Variants in CAPS2 observed in about 807,000 individuals in gnomAD.
CAPS2 encodes calcyphosin-2.
A neutral mutation model predicts 86.5 loss-of-function variants in CAPS2; 98 were observed. That is an observed-to-expected ratio of 1.13 (90% CI 0.96 to 1.34). CAPS2 has a LOEUF of 1.34. Ranked by LOEUF, CAPS2 falls within the 40% of genes most tolerant of loss-of-function variation. The pLI is 0.00. For missense variants in CAPS2, 729 were observed against 686.8 expected, an observed-to-expected ratio of 1.06 and a Z score of -0.69; for synonymous variants, 210 against 225.1, an observed-to-expected ratio of 0.93 and a Z score of 0.60.
chr12:75,289,539 A>C, intron 14 of CAPS2, 82 bp downstream of exon 14: 1 of 1,262,954 alleles, frequency 7.9e-7, no homozygotes, highest in Non-Finnish European at 1.1e-6. Flanking sequence ...ATAAATGAAA[A>C]CTAAAATTTC....
upstream of CAPS2, chr12:75,329,823 T>G (rs1246790032): frequency 3.9e-6 from 6 of 1,543,052 alleles, no homozygotes; most frequent in East Asian, 1.5e-4. Flanking sequence ...ATATTATAAT[T>G]CAGAGCACCT....
At chr12:75,345,376 A>C (rs1593701944) in intron 1 of CAPS2, among the ~76,000 whole-genome samples, 1 of 152,208 alleles carries the variant, frequency 6.6e-6, no homozygotes, top group East Asian at 1.9e-4. Flanking sequence ...TAGAAGTGTA[A>C]GTGTGTCTAA....
At chr12:75,331,356 T>G (rs2041287751), upstream of CAPS2, among the ~76,000 whole-genome samples, 1 of 152,188 alleles carries the variant, frequency 6.6e-6, no homozygotes, top group African/African-American at 2.4e-5. Context: ...CGTGAATATT[T>G]CCAGTATTTC....
At position 75,324,320 on chromosome 12, in the gene CAPS2, C is replaced by T. The variant is rs183095216; in HGVS notation, c.131+919G>A. Among the ~76,000 whole-genome samples the T allele has an allele frequency of 5.3e-5, 8 of 152,230 alleles. No individual in the cohort carries two copies. In the East Asian group the frequency reaches 9.6e-4, roughly 18 times the overall value. On this transcript the variant is annotated intron_variant, in intron 2 of 16. Coordinates refer to ENST00000393284, the Ensembl canonical transcript of CAPS2. The stretch of plus-strand genomic sequence containing the variant: ...AAATCTATTGGCTACATGGAATCTA[C>T]GAGAGAGAGACTATGTATTTGATTA...
chr12:75,286,326 T>C (rs2034858136), intron 14 of CAPS2, among the ~76,000 whole-genome samples: 1 of 152,038 alleles, frequency 6.6e-6, no homozygotes. Context: ...TCTGTGTAGT[T>C]AAACTGAAGA....
At chr12:75,282,614 T>C (rs1206740153) in intron 15 of CAPS2, among the ~76,000 whole-genome samples, 1 of 152,098 alleles carries the variant, frequency 6.6e-6, no homozygotes, top group African/African-American at 2.4e-5. Flanking sequence ...CTCAAATTCC[T>C]AACCTCAGGT....
intron 1 of CAPS2, chr12:75,363,188 G>C: frequency 1.4e-6 from 2 of 1,403,836 alleles, no homozygotes; most frequent in Non-Finnish European, 1.9e-6. Flanking sequence ...AAGAACCTCT[G>C]CAGTAAGCAA....
chr12:75,306,247 G>GATACTGGCCT, intron 7 of CAPS2: 1 of 640,920 alleles, frequency 1.6e-6, no homozygotes, highest in South Asian at 1.8e-5. Flanking sequence ...TGCAAATCAT[G>GATACTGGCCT]GAGTTCCTGG....
At chr12:75,350,748 C>T (rs537293389) in intron 1 of CAPS2, among the ~76,000 whole-genome samples, 39 of 152,258 alleles carry the variant, frequency 2.6e-4, no homozygotes, top group African/African-American at 8.2e-4. Flanking sequence ...AAAGAATCAA[C>T]GCAAAAATGC....
intron 1 of CAPS2, chr12:75,390,290 C>CA (rs1230528567): frequency 2.2e-6 from 1 of 455,442 alleles, no homozygotes; most frequent in Non-Finnish European, 4.4e-6. Context: ...TTGTCTGGAA[C>CA]AAAAAAAGAA....
intron 7 of CAPS2, 31 bp downstream of exon 7, chr12:75,312,817 T>G: frequency 8.1e-7 from 1 of 1,229,294 alleles, no homozygotes; most frequent in Non-Finnish European, 1.2e-6. Context: ...ACTTTCTGAA[T>G]TGATTTCTAT....
chr12:75,313,783 C>G (rs2039470245), intron 6 of CAPS2, among the ~76,000 whole-genome samples: 1 of 152,038 alleles, frequency 6.6e-6, no homozygotes, highest in Non-Finnish European at 1.5e-5. Context: ...AGAAAAAGTG[C>G]TTTATTTAAA....
chr12:75,321,196 A>G (rs2040264061), intron 5 of CAPS2, among the ~76,000 whole-genome samples: 1 of 152,140 alleles, frequency 6.6e-6, no homozygotes, highest in Non-Finnish European at 1.5e-5. Context: ...GAAAATGATG[A>G]CAATAACCCT....
At chr12:75,371,414 C>A in intron 1 of CAPS2, 1 of 298,142 alleles carries the variant, frequency 3.4e-6, no homozygotes, top group Non-Finnish European at 6.9e-6. Flanking sequence ...GGTGGGTCTG[C>A]TTTTCCCAGT....
At chr12:75,370,092 A>G in intron 1 of CAPS2, 1 of 1,600,122 alleles carries the variant, frequency 6.2e-7, no homozygotes, top group Non-Finnish European at 8.5e-7. Flanking sequence ...CAGAAAATCC[A>G]TTTCTGAAGC....
At chr12:75,362,181 T>C (rs1347014114) in intron 1 of CAPS2, among the ~76,000 whole-genome samples, 1 of 152,092 alleles carries the variant, frequency 6.6e-6, no homozygotes, top group Non-Finnish European at 1.5e-5. Flanking sequence ...CAACTCAATA[T>C]AAAGAAAACT....
chr12:75,296,440 C>T (rs759999927), intron 11 of CAPS2, among the ~76,000 whole-genome samples: 3 of 152,026 alleles, frequency 2.0e-5, no homozygotes, highest in East Asian at 1.9e-4. Flanking sequence ...TACAGGTGCC[C>T]GCCACCATGC....
exon 17 of CAPS2, chr12:75,278,763 C>CA (rs1404836989): frequency 4.5e-6 from 6 of 1,328,016 alleles, no homozygotes; most frequent in East Asian, 2.9e-5. Context: ...CAAAACAAAA[C>CA]AAACAAACAA....
intron 1 of CAPS2, chr12:75,371,529 C>A: frequency 7.1e-6 from 2 of 282,230 alleles, no homozygotes; most frequent in Non-Finnish European, 7.2e-6. Context: ...CACCCCTTGT[C>A]TACTTGAAAA....
Sources: allele counts gnomAD v4.1 joint callset (sites outside exome capture counted in the v4.1 genomes callset), GRCh38; gene constraint gnomAD v4.1.1; transcripts MANE v1.5; gene names NCBI Gene and HGNC (gene_info 2026-07-23, HGNC 2026-07-21).